Variants in ZNF407 observed in about 807,000 individuals in gnomAD.
ZNF407 encodes the protein zinc finger protein 407.
In ZNF407, 17 loss-of-function variants were observed where a neutral mutation model predicts 131.2. That is an observed-to-expected ratio of 0.13 (90% CI 0.09 to 0.19). The LOEUF (loss-of-function observed/expected upper bound fraction) is 0.19. Ranked by LOEUF, ZNF407 falls within the 10% of genes least tolerant of loss-of-function variation. ZNF407 has a pLI of 1.00. For missense variants in ZNF407, 2,681 were observed against 2,830.6 expected, an observed-to-expected ratio of 0.95 and a Z score of 1.20; for synonymous variants, 1,156 against 1,062.0, an observed-to-expected ratio of 1.09 and a Z score of -1.72.
chr18:74,976,168 A>G (rs1203644322), intron 8 of ZNF407, among the ~76,000 whole-genome samples: 1 of 152,192 alleles, frequency 6.6e-6, no homozygotes, highest in Non-Finnish European at 1.5e-5. Flanking sequence ...GTTGACCCCA[A>G]ATGTTGGATA....
chr18:74,641,218 C>A, intron 3 of ZNF407, 96 bp downstream of exon 3: 1 of 892,526 alleles, frequency 1.1e-6, no homozygotes, highest in Non-Finnish European at 1.8e-6. Context: ...GTAAGAGTGG[C>A]TAAAATTATG....
At chr18:74,767,121 A>AGGCTGGCCTCGATC (rs1057022748) in intron 3 of ZNF407, among the ~76,000 whole-genome samples, 3 of 152,142 alleles carry the variant, frequency 2.0e-5, no homozygotes, top group African/African-American at 7.2e-5. Flanking sequence ...CATGTTGATC[A>AGGCTGGCCTCGATC]GGCTGGCCTC....
In ZNF407 at chr18:75,029,536, G is replaced by T. The variant is rs538728235; in HGVS notation, c.5429-33614G>T. Among the ~76,000 whole-genome samples, 22 of 151,940 alleles carry T rather than the reference G, an allele frequency of 1.4e-4. 1 individual carries two copies. The South Asian group carries it at 4.6e-3, about 32-fold the overall frequency. ...CCATGCCACCCTGGGCATGGGATGC[G>T]GGAGCACGCTCACCACCTTCATTCA... On this transcript the variant is annotated intron_variant, in intron 8 of 8. Coordinates refer to ENST00000299687, the MANE Select transcript of ZNF407 (RefSeq NM_017757.3).
At chr18:74,723,200 A>C (rs1968079297) in intron 3 of ZNF407, among the ~76,000 whole-genome samples, 1 of 152,070 alleles carries the variant, frequency 6.6e-6, no homozygotes, top group African/African-American at 2.4e-5. Context: ...ATTTTCTTTT[A>C]AGCATATTTC....
At chr18:74,704,381 T>C (rs1279979984) in intron 3 of ZNF407, among the ~76,000 whole-genome samples, 1 of 152,112 alleles carries the variant, frequency 6.6e-6, no homozygotes, top group East Asian at 1.9e-4. Flanking sequence ...CAGGATATAA[T>C]GAAATACAGG....
intron 3 of ZNF407, among the ~76,000 whole-genome samples, chr18:74,688,879 A>G (rs1401887702): frequency 6.6e-6 from 1 of 152,108 alleles, no homozygotes; most frequent in African/African-American, 2.4e-5. Context: ...CCCAGGCTAG[A>G]GTGCAGTGGC....
chr18:74,634,519 C>G lies in ZNF407; in HGVS notation c.3500C>G (p.Thr1167Ser). Residue 1167 changes from threonine (T) to serine (S), a missense_variant, in exon 2 of 9, where the codon ACT becomes AGT. Thr to Ser is a moderately conservative substitution (Grantham distance 58). Transcript: ENST00000299687. Reference protein sequence around the residue: ...NFNEDHSFCETFQQAPVKDKV... With the variant: ...NFNEDHSFCESFQQAPVKDKV... Reference sequence around the variant, plus strand: ...AATGAAGACCATTCCTTTTGTGAGACTTTCCAACAGGCTCCTGTCAAGGAT... The same window carrying G: ...AATGAAGACCATTCCTTTTGTGAGAGTTTCCAACAGGCTCCTGTCAAGGAT... The G allele has an allele frequency of 5.0e-6, 8 of 1,613,842 alleles. No individual in the cohort carries two copies. Among genetic ancestry groups the G allele is most frequent in the Non-Finnish European group, 6.8e-6 (8 of 1,179,884 alleles).
chr18:74,825,727 C>A (rs1970401311), intron 4 of ZNF407, among the ~76,000 whole-genome samples: 1 of 152,064 alleles, frequency 6.6e-6, no homozygotes, highest in Admixed American at 6.6e-5. Flanking sequence ...AAATGAGAGG[C>A]TTATGATGTA....
At chr18:74,749,544 T>G (rs1568196036) in intron 3 of ZNF407, among the ~76,000 whole-genome samples, 2 of 152,194 alleles carry the variant, frequency 1.3e-5, no homozygotes, top group Non-Finnish European at 2.9e-5. Context: ...CTGTCTTTGT[T>G]ATCTGTTGTG....
chr18:75,064,268 C>T lies in ZNF407; in HGVS notation c.6547C>T (p.Pro2183Ser). The change falls in exon 9 of 9, where the codon CCG (proline) becomes TCG (serine). Residue 2183 changes from proline to serine, a missense_variant. Pro to Ser is a moderately conservative substitution (Grantham distance 74). This residue lies in a region of ZNF407 where 620 missense variants were observed against 583.1 expected (regional missense o/e 1.06). Coordinates refer to ENST00000299687, the MANE Select transcript of ZNF407 (RefSeq NM_017757.3). ...GCTGCCCCCAGGGGTGCAGGACGAG[C>T]CGGGCCTGTACTCCCACACCGTGCT... ...TELPPGVQDE[P>S]GLYSHTVLET... The T allele has an allele frequency of 6.2e-7, 1 of 1,604,796 alleles. No homozygotes were observed. The highest frequency in any genetic ancestry group is 8.5e-7 in the Non-Finnish European group (1 of 1,176,760).
At chr18:74,712,852 G>A (rs1380404356) in intron 3 of ZNF407, among the ~76,000 whole-genome samples, 1 of 152,186 alleles carries the variant, frequency 6.6e-6, no homozygotes, top group Non-Finnish European at 1.5e-5. Flanking sequence ...ATAGGCTGTG[G>A]GTCACTGGTG....
At chr18:74,700,556 A>T (rs1967468696) in intron 3 of ZNF407, among the ~76,000 whole-genome samples, 1 of 151,966 alleles carries the variant, frequency 6.6e-6, no homozygotes, top group Non-Finnish European at 1.5e-5. Context: ...CTCTCCCTTG[A>T]TCCCCACCTC....
chr18:74,775,899 T>G (rs1450155098), intron 3 of ZNF407, among the ~76,000 whole-genome samples: 1 of 146,474 alleles, frequency 6.8e-6, no homozygotes, highest in African/African-American at 2.4e-5. Flanking sequence ...TACACACTTT[T>G]AAACCACCAG....
intron 8 of ZNF407, among the ~76,000 whole-genome samples, chr18:74,957,890 G>A (rs1972294855): frequency 6.6e-6 from 1 of 152,208 alleles, no homozygotes; most frequent in African/African-American, 2.4e-5. Flanking sequence ...AGGGGAAAGT[G>A]ATGATTTGTG....
intron 4 of ZNF407, among the ~76,000 whole-genome samples, chr18:74,815,036 A>G (rs1300636185): frequency 6.6e-6 from 1 of 150,804 alleles, no homozygotes; most frequent in African/African-American, 2.5e-5. Context: ...ATAAAGAAAT[A>G]AAAGTTTATG....
intron 3 of ZNF407, among the ~76,000 whole-genome samples, chr18:74,756,385 T>C (rs1361088306): frequency 6.6e-6 from 1 of 152,178 alleles, no homozygotes; most frequent in East Asian, 1.9e-4. Context: ...AGGGATTGCA[T>C]TGAATTTCTG....
At chr18:74,623,384 A>T (rs1983647185) in intron 1 of ZNF407, among the ~76,000 whole-genome samples, 1 of 152,128 alleles carries the variant, frequency 6.6e-6, no homozygotes. Context: ...GGGTGTGTGC[A>T]CATGAGGGCG....
intron 3 of ZNF407, among the ~76,000 whole-genome samples, chr18:74,694,618 G>A (rs906648245): frequency 2.6e-5 from 4 of 152,026 alleles, no homozygotes; most frequent in African/African-American, 9.7e-5. Flanking sequence ...CATGTAGTAG[G>A]TGATACACTG....
At chr18:75,034,553 C>T (rs1216329958) in intron 8 of ZNF407, among the ~76,000 whole-genome samples, 2 of 151,178 alleles carry the variant, frequency 1.3e-5, no homozygotes, top group Non-Finnish European at 2.9e-5. Context: ...CCGCCCGTCT[C>T]GGCCTCCCAA....
Sources: gnomAD v4.1 joint callset for allele counts (sites outside exome capture counted in the v4.1 genomes callset) on GRCh38, gnomAD v4.1.1 for gene constraint, gnomAD v4.1.1 regional missense constraint, MANE v1.5 for transcripts, NCBI Gene and HGNC (gene_info 2026-07-23, HGNC 2026-07-21) for gene names.